EML6: variants seen among roughly 807,000 people sequenced by gnomAD.
EML6 encodes the protein EMAP like 6, also known as echinoderm microtubule-associated protein-like 6.
Under a neutral mutation model 240.1 loss-of-function variants are expected in EML6, and 154 were observed. The ratio of observed to expected loss-of-function variants is 0.64; its 90% CI spans 0.56 to 0.73. The LOEUF (loss-of-function observed/expected upper bound fraction) is 0.73, where lower values mean the gene tolerates loss of function less well. Ranked by LOEUF, EML6 falls within the 30% of genes least tolerant of loss-of-function variation. The pLI is 0.00. For synonymous variants in EML6, 1,148 were observed against 899.0 expected, an observed-to-expected ratio of 1.28 and a Z score of -4.95; for missense variants, 2,964 against 2,474.6, an observed-to-expected ratio of 1.20 and a Z score of -4.20.
At chr2:54,962,963 C>T (rs1219731373) in intron 36 of EML6, among the ~76,000 whole-genome samples, 1 of 152,182 alleles carries the variant, frequency 6.6e-6, no homozygotes, top group African/African-American at 2.4e-5. Flanking sequence ...ATCATGTTTT[C>T]CCTGGATGAG....
intron 5 of EML6, among the ~76,000 whole-genome samples, chr2:54,822,868 G>A (rs1268963149): frequency 6.6e-6 from 1 of 152,054 alleles, no homozygotes; most frequent in African/African-American, 2.4e-5. Flanking sequence ...AAATTTTAGA[G>A]GTTCCACTAC....
chr2:54,854,838 A>C (rs1670285742), intron 11 of EML6, among the ~76,000 whole-genome samples: 1 of 152,356 alleles, frequency 6.6e-6, no homozygotes, highest in Non-Finnish European at 1.5e-5. Flanking sequence ...TCCCCACAAG[A>C]GCCCTTTGAG....
intron 17 of EML6, among the ~76,000 whole-genome samples, chr2:54,884,803 A>G (rs972763011): frequency 3.3e-5 from 5 of 152,128 alleles, no homozygotes; most frequent in Admixed American, 2.0e-4. Flanking sequence ...TGTACTTGTT[A>G]TTTTCATTTT....
At chr2:54,866,697 G>T (rs995447308) in intron 13 of EML6, 69 bp from the exon 14 acceptor site, 6 of 784,100 alleles carry the variant, frequency 7.7e-6, no homozygotes, top group Non-Finnish European at 1.2e-5. Context: ...TTACAAGAAT[G>T]TCAAGATGCT....
Position 54,928,611 on chromosome 2 carries a change from T to C in EML6, c.3878-14T>C. On this transcript the variant is annotated splice_polypyrimidine_tract_variant and intron_variant, in intron 27 of 41. Transcript: ENST00000356458. ...CAAACCAACTGGCTCCCCAATCTCT[T>C]TCTGTTGTTTGAGGCTATGACAGCG... 4 of 1,552,090 alleles carry C rather than the reference T, an allele frequency of 2.6e-6. No homozygotes were observed. Among genetic ancestry groups the C allele is most frequent in the South Asian group, 1.2e-5 (1 of 84,050 alleles).
At chr2:54,965,850 C>G (rs1411400221) in intron 38 of EML6, among the ~76,000 whole-genome samples, 1 of 152,228 alleles carries the variant, frequency 6.6e-6, no homozygotes, top group Non-Finnish European at 1.5e-5. Flanking sequence ...AATCTTTTGG[C>G]TAATGTTAAT....
intron 13 of EML6, among the ~76,000 whole-genome samples, chr2:54,865,904 T>C (rs146296225): frequency 1.6e-4 from 25 of 152,326 alleles, no homozygotes; most frequent in Non-Finnish European, 2.6e-4. Context: ...ATTTAAACAA[T>C]AGAAATATCA....
chr2:54,841,277 A>G (rs1669435394), intron 7 of EML6, among the ~76,000 whole-genome samples: 1 of 152,222 alleles, frequency 6.6e-6, no homozygotes, highest in African/African-American at 2.4e-5. Context: ...TTGACCCTGA[A>G]CTACTGTTGC....
At chr2:54,866,732 G>C in intron 13 of EML6, 34 bp from the exon 14 acceptor site, 1 of 1,265,816 alleles carries the variant, frequency 7.9e-7, no homozygotes, top group Non-Finnish European at 1.1e-6. Flanking sequence ...CTGATGAAAG[G>C]CATCTCACCC....
At chr2:54,874,794 C>G (rs1390316926) in intron 16 of EML6, among the ~76,000 whole-genome samples, 3 of 152,096 alleles carry the variant, frequency 2.0e-5, no homozygotes, top group Admixed American at 2.0e-4. Flanking sequence ...TATTGATAGT[C>G]TATGTTTTAA....
chr2:54,843,991 TG>T, intron 7 of EML6, 55 bp from the exon 8 acceptor site: 2 of 1,088,296 alleles, frequency 1.8e-6, no homozygotes, highest in Non-Finnish European at 2.7e-6. Flanking sequence ...TGTGTGTGTG[TG>T]TGTGTGTGTG....
chr2:54,949,059 G>A (rs1056697732), intron 29 of EML6, 99 bp downstream of exon 29: 20 of 880,632 alleles, frequency 2.3e-5, no homozygotes, highest in South Asian at 1.0e-4. Flanking sequence ...CAAATGAAAC[G>A]GAGTAGGTCC....
chr2:54,911,648 G>A (rs536552311), intron 25 of EML6, among the ~76,000 whole-genome samples: 1 of 152,042 alleles, frequency 6.6e-6, no homozygotes, highest in Non-Finnish European at 1.5e-5. Context: ...TGTTGGCCAG[G>A]CTGGTCTCGA....
At chr2:54,816,912 C>G (rs1375978293) in intron 4 of EML6, 27 bp downstream of exon 4, 1 of 1,451,978 alleles carries the variant, frequency 6.9e-7, no homozygotes, top group Non-Finnish European at 9.5e-7. Context: ...TCAAGCTATG[C>G]AGATTTCAGA....
At chr2:54,804,308 A>T (rs779032728) in intron 2 of EML6, among the ~76,000 whole-genome samples, 1 of 152,128 alleles carries the variant, frequency 6.6e-6, no homozygotes, top group South Asian at 2.1e-4. Flanking sequence ...CTTGAGTCAT[A>T]CTCCTTGCTT....
At chr2:54,793,348 T>G (rs1669565133) in intron 2 of EML6, among the ~76,000 whole-genome samples, 3 of 150,292 alleles carry the variant, frequency 2.0e-5, no homozygotes, top group Admixed American at 6.6e-5. Context: ...CAACTTTATT[T>G]TCCTGAAGAA....
intron 39 of EML6, 36 bp from the exon 40 acceptor site, chr2:54,968,092 T>C (rs1375997754): frequency 1.2e-5 from 19 of 1,546,098 alleles, no homozygotes; most frequent in Non-Finnish European, 1.7e-5. Context: ...TCGCCGTGAC[T>C]TCCTTCTATC....
chr2:54,934,657 C>G (rs1201458667), intron 28 of EML6, among the ~76,000 whole-genome samples: 1 of 151,998 alleles, frequency 6.6e-6, no homozygotes, highest in African/African-American at 2.4e-5. Context: ...TCAAGCAATT[C>G]TCCCACTTCA....
chr2:54,916,822 C>T lies in EML6; in HGVS notation c.3562C>T (p.Pro1188Ser). The T allele has an allele frequency of 6.5e-7, 1 of 1,549,774 alleles. No individual in the cohort carries two copies. The highest frequency in any genetic ancestry group is 2.4e-5 in the East Asian group (1 of 40,874). ...VLGPTCEGIW[P>S]AHSDITDVNA... ...GGGGCCCACCTGTGAGGGAATCTGGCCAGCACATAGCGATATAACTGACGT... is the reference window on the plus strand; with the variant it reads ...GGGGCCCACCTGTGAGGGAATCTGGTCAGCACATAGCGATATAACTGACGT... Residue 1188 changes from proline to serine, a missense_variant, in exon 26 of 42, where the codon CCA becomes TCA. Transcript: ENST00000356458.
Sources: gnomAD v4.1 joint callset for allele counts (sites outside exome capture counted in the v4.1 genomes callset) on GRCh38, gnomAD v4.1.1 for gene constraint, MANE v1.5 for transcripts, NCBI Gene and HGNC (gene_info 2026-07-23, HGNC 2026-07-21) for gene names.